The following VPS41 variants were observed in gnomAD, a reference collection of about 807,000 sequenced individuals.
The protein encoded by VPS41 is vacuolar protein sorting-associated protein 41 homolog.
In VPS41, 85 loss-of-function variants were observed where a neutral mutation model predicts 130.9. The ratio of observed to expected loss-of-function variants is 0.65; its 90% CI spans 0.55 to 0.78. The LOEUF is 0.78. Ranked by LOEUF, VPS41 falls within the 30% of genes least tolerant of loss-of-function variation. VPS41 has a pLI of 0.00. For synonymous variants in VPS41, 335 were observed against 332.9 expected, an observed-to-expected ratio of 1.01 and a Z score of -0.07; for missense variants, 874 against 1,018.7, an observed-to-expected ratio of 0.86 and a Z score of 1.93.
chr7:38,837,519 T>C (rs1426556526), intron 4 of VPS41, among the ~76,000 whole-genome samples: 2 of 152,194 alleles, frequency 1.3e-5, no homozygotes, highest in Non-Finnish European at 2.9e-5. Flanking sequence ...CTTTGGCTGA[T>C]TTTTGACCTG....
chr7:38,862,692 A>G, intron 3 of VPS41, 70 bp from the exon 4 acceptor site: 1 of 945,494 alleles, frequency 1.1e-6, no homozygotes, highest in Non-Finnish European at 1.6e-6. Context: ...TAACAAAACC[A>G]TTTTTAAAGA....
intron 21 of VPS41, among the ~76,000 whole-genome samples, chr7:38,752,638 C>T (rs563338642): frequency 2.7e-4 from 41 of 152,240 alleles, no homozygotes; most frequent in African/African-American, 8.2e-4. Flanking sequence ...GTTGCCATTA[C>T]GAAATCACTC....
chr7:38,801,797 TC>T (rs1443211889), intron 7 of VPS41, among the ~76,000 whole-genome samples: 6 of 152,232 alleles, frequency 3.9e-5, no homozygotes, highest in Non-Finnish European at 8.8e-5. Context: ...AAGTAGGCTA[TC>T]CGAGTCTACT....
intron 4 of VPS41, among the ~76,000 whole-genome samples, chr7:38,851,234 A>G (rs1204037760): frequency 6.6e-6 from 1 of 152,238 alleles, no homozygotes; most frequent in Non-Finnish European, 1.5e-5. Flanking sequence ...GAGCAATGAA[A>G]AGTGCCCTGA....
At chr7:38,881,172 T>G (rs1031867937) in intron 2 of VPS41, among the ~76,000 whole-genome samples, 4 of 152,210 alleles carry the variant, frequency 2.6e-5, no homozygotes, top group Non-Finnish European at 5.9e-5. Context: ...TGGGCTAAAA[T>G]CAGGGTGTCA....
chr7:38,802,654 T>C (rs146362151), intron 7 of VPS41, among the ~76,000 whole-genome samples: 29 of 152,312 alleles, frequency 1.9e-4, no homozygotes, highest in African/African-American at 5.5e-4. Flanking sequence ...AAACATGAAC[T>C]CCTTTTCTTA....
intron 2 of VPS41, among the ~76,000 whole-genome samples, chr7:38,882,304 C>A (rs1786626632): frequency 6.6e-6 from 1 of 152,204 alleles, no homozygotes; most frequent in Non-Finnish European, 1.5e-5. Context: ...GGGCACCACT[C>A]TCTCCTGGTT....
intron 2 of VPS41, among the ~76,000 whole-genome samples, chr7:38,888,684 C>T (rs952935682): frequency 7.9e-5 from 12 of 152,176 alleles, no homozygotes; most frequent in African/African-American, 2.7e-4. Context: ...ACCTAATAGA[C>T]ATCTACAGAA....
intron 4 of VPS41, among the ~76,000 whole-genome samples, chr7:38,833,527 C>T (rs1425503471): frequency 6.6e-6 from 1 of 152,150 alleles, no homozygotes; most frequent in Non-Finnish European, 1.5e-5. Flanking sequence ...TTCCATTTGT[C>T]CACCCTCTGC....
At chr7:38,817,758 G>C (rs749166089) in intron 7 of VPS41, 59 bp downstream of exon 7, 1 of 1,338,582 alleles carries the variant, frequency 7.5e-7, no homozygotes, top group South Asian at 1.2e-5. Flanking sequence ...ATAAATTACA[G>C]AGTAAGCACA....
intron 4 of VPS41, among the ~76,000 whole-genome samples, chr7:38,842,117 A>G (rs76422616): frequency 6.6e-6 from 1 of 152,336 alleles, no homozygotes; most frequent in East Asian, 1.9e-4. Context: ...CAGTCCACTT[A>G]GCTATCTAAG....
chr7:38,744,676 TAG>T (rs1795951538), intron 23 of VPS41, among the ~76,000 whole-genome samples: 1 of 152,168 alleles, frequency 6.6e-6, no homozygotes, highest in African/African-American at 2.4e-5. Context: ...AAATTGTGAT[TAG>T]AACCCCAGGA....
intron 11 of VPS41, among the ~76,000 whole-genome samples, chr7:38,774,871 T>C (rs1230234740): frequency 1.3e-5 from 2 of 151,898 alleles, no homozygotes; most frequent in East Asian, 3.9e-4. Flanking sequence ...GAAAGAAAAG[T>C]AAAATACTAG....
chr7:38,743,537 T>C lies in VPS41; in HGVS notation c.1987A>G (p.Met663Val). 1.2e-6 allele frequency: 2 copies of C among 1,613,732 alleles called. No individual in the cohort carries two copies. Among genetic ancestry groups the C allele is most frequent in the Non-Finnish European group, 1.7e-6 (2 of 1,179,738 alleles). The change falls in exon 24 of 29, where the codon ATG (methionine) becomes GTG (valine). Residue 663 changes from methionine to valine, a missense_variant. Coordinates refer to ENST00000310301, the MANE Select transcript of VPS41 (RefSeq NM_014396.4). Reference protein sequence around the residue: ...VEETVYLLSRMGNSRSALKMI... With the variant: ...VEETVYLLSRVGNSRSALKMI... Reference sequence around the variant, plus strand: ...TTCAGGGCACTTCGGCTATTACCCATTCGGCCTTGGTGGGGTGAAGATGGG... The same window carrying C: ...TTCAGGGCACTTCGGCTATTACCCACTCGGCCTTGGTGGGGTGAAGATGGG...
intron 1 of VPS41, among the ~76,000 whole-genome samples, chr7:38,902,015 T>G (rs17680879): frequency 0.26 from 39,138 of 152,204 alleles, 6,444 homozygotes; most frequent in Non-Finnish European, 0.38. Flanking sequence ...GAGCCAATTC[T>G]GGGTAACGGA....
At chr7:38,788,738 T>G (rs1018272252) in intron 10 of VPS41, among the ~76,000 whole-genome samples, 1 of 152,156 alleles carries the variant, frequency 6.6e-6, no homozygotes, top group African/African-American at 2.4e-5. Flanking sequence ...ATATACCTAC[T>G]GTCCATACAC....
intron 4 of VPS41, among the ~76,000 whole-genome samples, chr7:38,847,768 G>C (rs929798385): frequency 3.3e-5 from 5 of 152,156 alleles, no homozygotes; most frequent in Non-Finnish European, 7.4e-5. Context: ...AAATCTGTTA[G>C]GAGTAAAGGT....
At chr7:38,829,633 G>C (rs1785348586) in intron 5 of VPS41, among the ~76,000 whole-genome samples, 1 of 152,166 alleles carries the variant, frequency 6.6e-6, no homozygotes, top group Non-Finnish European at 1.5e-5. Context: ...AAATGTCACA[G>C]CTCAACATCA....
At chr7:38,737,101 C>A (rs973371318) in intron 25 of VPS41, among the ~76,000 whole-genome samples, 1 of 152,128 alleles carries the variant, frequency 6.6e-6, no homozygotes, top group Non-Finnish European at 1.5e-5. Flanking sequence ...ACAGGCCAGG[C>A]GCGGTGGCTC....
Sources: allele counts gnomAD v4.1 joint callset (sites outside exome capture counted in the v4.1 genomes callset), GRCh38; gene constraint gnomAD v4.1.1; transcripts MANE v1.5; gene names NCBI Gene and HGNC (gene_info 2026-07-23, HGNC 2026-07-21).